Variants in DOCK6 observed in about 807,000 individuals in gnomAD.
The protein encoded by DOCK6 is dedicator of cytokinesis protein 6.
In DOCK6, 167 loss-of-function variants were observed where a neutral mutation model predicts 230.3. The observed-to-expected ratio is 0.73, with a 90% confidence interval of 0.64 to 0.82. DOCK6 has a LOEUF of 0.82. Ranked by LOEUF, DOCK6 falls within the 40% of genes least tolerant of loss-of-function variation. DOCK6 has a pLI of 0.00. For synonymous variants in DOCK6, 1,148 were observed against 1,185.0 expected, an observed-to-expected ratio of 0.97 and a Z score of 0.64; for missense variants, 2,598 against 2,825.8, an observed-to-expected ratio of 0.92 and a Z score of 1.83.
At chr19:11,216,077 T>A in intron 30 of DOCK6, 150 bp from the exon 31 acceptor site, 2 of 995,424 alleles carry the variant, frequency 2.0e-6, no homozygotes, top group Non-Finnish European at 2.8e-6. Context: ...TCTTAGCACT[T>A]ACCAAAAAAA....
At chr19:11,260,892 A>AAAAAAAAAAAAAAAAAAAAAAAAAAAAAG (rs1423289379) in intron 1 of DOCK6, among the ~76,000 whole-genome samples, 19 of 148,566 alleles carry the variant, frequency 1.3e-4, no homozygotes, top group African/African-American at 4.8e-4. Flanking sequence ...CAAAAAAAAA[A>AAAAAAAAAAAAAAAAAAAAAAAAAAAAAG]AAAGAAAGAA....
rs10164278 is a variant in DOCK6 at position 11,240,092 on chromosome 19, A to T, written c.1644-1788T>A. On this transcript the variant is annotated intron_variant, in intron 14 of 47. Coordinates refer to ENST00000294618, the MANE Select transcript of DOCK6 (RefSeq NM_020812.4). ...CAGGCAAGTCCTTAGGTACACAAAG[A>T]TGAGTTGGACATCCTACTAGTGACC... 1.2e-3 allele frequency: 1,811 copies of T among 1,550,980 alleles called. 16 individuals carry two copies. The African/African-American group carries it at 0.023, about 20-fold the overall frequency.
rs749689461 is a variant in DOCK6 at position 11,215,784 on chromosome 19, G to T, written c.4021+17C>A. The T allele has an allele frequency of 1.1e-5, 17 of 1,613,792 alleles. No individual in the cohort carries two copies. The highest frequency in any genetic ancestry group is 1.4e-5 in the Non-Finnish European group (17 of 1,179,834). On this transcript the variant is annotated intron_variant, in intron 31 of 47. Transcript: ENST00000294618. ...CAGCTGGTGGGATGGGGACACGTGG[G>T]TATGTCACCCTCTTACCACGACTTC...
Position 11,200,176 on chromosome 19 carries a change from A to G in DOCK6, c.6101+132T>C. 1 of 1,007,530 alleles carries G rather than the reference A, an allele frequency of 9.9e-7. No homozygotes were observed. 62.4% of individuals were successfully genotyped at this position (1,007,530 alleles called of 1,614,324 possible). Reference sequence around the variant, plus strand: ...AAAAAAAAACAAAAAAAAAACCGGAAACAAAACAAAGTCCAAGCTACCAGC... The same window carrying G: ...AAAAAAAAACAAAAAAAAAACCGGAGACAAAACAAAGTCCAAGCTACCAGC... On this transcript the variant is annotated intron_variant, in intron 47 of 47. Transcript: ENST00000294618. The surrounding 1 kb of genome is among the most constrained non-coding windows in gnomAD (Gnocchi z 4.3).
In DOCK6 at chr19:11,243,196, G is replaced by C. The variant is rs915505649; in HGVS notation, c.1387-44C>G. On this transcript the variant is annotated intron_variant, in intron 12 of 47. Coordinates refer to ENST00000294618, the MANE Select transcript of DOCK6 (RefSeq NM_020812.4). This position sits in a 1 kb window ranked among gnomAD's most constrained non-coding sequence, Gnocchi z 6.3. ...CGTCAGCCTGGGCCAGGGGGCTAGG[G>C]GTCCCCAGGGCTAATGCAGCCAGCG... 1.4e-5 allele frequency: 22 copies of C among 1,613,032 alleles called. No homozygotes were observed. The highest frequency in any genetic ancestry group is 1.7e-5 in the Non-Finnish European group (20 of 1,179,280).
rs1170041461 is a variant in DOCK6 at position 11,243,884 on chromosome 19, T to A, written c.1024-2A>T. The A allele has an allele frequency of 6.8e-6, 11 of 1,606,664 alleles. No individual in the cohort carries two copies. Among genetic ancestry groups the A allele is most frequent in the Non-Finnish European group, 9.3e-6 (11 of 1,176,742 alleles). On this transcript the variant is annotated splice_acceptor_variant, in intron 9 of 47. Transcript: ENST00000294618. LOFTEE classifies it high-confidence loss of function. This position sits in a 1 kb window ranked among gnomAD's most constrained non-coding sequence, Gnocchi z 6.3. ...CCCTTGCTGAAGCACCTTCTCCAAC[T>A]GCGGGGCAGATGAATGAATCCAGTG...
Position 11,214,884 on chromosome 19 carries a change from T to C in DOCK6, c.4107-235A>G, listed in dbSNP as rs1018906120. Among the ~76,000 whole-genome samples, 30 of 151,042 alleles carry C rather than the reference T, an allele frequency of 2.0e-4. No individual in the cohort carries two copies. In the South Asian group the frequency reaches 6.3e-3, roughly 32 times the overall value. On this transcript the variant is annotated intron_variant, in intron 32 of 47. Coordinates refer to ENST00000294618, the MANE Select transcript of DOCK6 (RefSeq NM_020812.4). ...TCAACCTCCCAGGCTCAAGTCATTCTCCCACCTCAGACTCATGAGTGGCTG... is the reference window on the plus strand; with the variant it reads ...TCAACCTCCCAGGCTCAAGTCATTCCCCCACCTCAGACTCATGAGTGGCTG...
chr19:11,204,053 A>AG, intron 41 of DOCK6, 28 bp downstream of exon 41: 1 of 1,545,182 alleles, frequency 6.5e-7, no homozygotes, highest in Non-Finnish European at 8.7e-7. Flanking sequence ...TCCCAGAGGC[A>AG]GGTGGCTGTC....
At position 11,235,773 on chromosome 19, in the gene DOCK6, C is replaced by G. The variant is rs767898865; in HGVS notation, c.2393-14G>C. 11 of 1,576,694 alleles carry G rather than the reference C, an allele frequency of 7.0e-6. No homozygotes were observed. Among genetic ancestry groups the G allele is most frequent in the Non-Finnish European group, 8.6e-6 (10 of 1,159,074 alleles). On this transcript the variant is annotated splice_polypyrimidine_tract_variant and intron_variant, in intron 20 of 47. Coordinates refer to ENST00000294618, the MANE Select transcript of DOCK6 (RefSeq NM_020812.4). ...GGCCCAGGTTCACTGCAGGGCAGAG[C>G]AGAGGTCAAGTTCCAGGGCCCAAGG...
At chr19:11,216,866 A>G (rs2147765500) in intron 30 of DOCK6, 48 bp downstream of exon 30, 1 of 1,593,208 alleles carries the variant, frequency 6.3e-7, no homozygotes, top group Non-Finnish European at 8.6e-7. Flanking sequence ...GTCCCTGGGT[A>G]CATCCTTAGC....
chr19:11,236,664 G>A lies in DOCK6; in HGVS notation c.2161-87C>T. The A allele has an allele frequency of 6.6e-7, 1 of 1,506,512 alleles. No individual in the cohort carries two copies. Among genetic ancestry groups the A allele is most frequent in the Non-Finnish European group, 9.0e-7 (1 of 1,109,204 alleles). 93.3% of individuals were successfully genotyped at this position (1,506,512 alleles called of 1,614,324 possible). On this transcript the variant is annotated intron_variant, in intron 19 of 47. Coordinates refer to ENST00000294618, the MANE Select transcript of DOCK6 (RefSeq NM_020812.4). This position sits in a 1 kb window ranked among gnomAD's most constrained non-coding sequence, Gnocchi z 5.2. The stretch of plus-strand genomic sequence containing the variant: ...AATCAGCAGCTTCCCTTAAAGCTGG[G>A]TCCAGCTGACCAAAGTCACGTCCAA...
At chr19:11,259,289 A>G (rs2080245423) in intron 1 of DOCK6, among the ~76,000 whole-genome samples, 1 of 151,992 alleles carries the variant, frequency 6.6e-6, no homozygotes, top group African/African-American at 2.4e-5. Flanking sequence ...TGGCCTCCCA[A>G]AGTGGTAGGA....
rs1376447153 is a variant in DOCK6 at position 11,238,083 on chromosome 19, A to G, written c.1794T>C (p.Phe598=). ...CCACCGGTGTGAAGGCCTCGCGGGTAAATTCACTGCAGCTGGACTTGCCAA... is the reference window on the plus strand; with the variant it reads ...CCACCGGTGTGAAGGCCTCGCGGGTGAATTCACTGCAGCTGGACTTGCCAA... The part of the protein sequence containing the change: ...VIFGKSSCSE[F]TREAFTPVVY... The change falls in exon 16 of 48, where the codon TTT becomes TTC. Residue 598 remains phenylalanine, a synonymous_variant. Coordinates refer to ENST00000294618, the MANE Select transcript of DOCK6 (RefSeq NM_020812.4). 2 of 1,613,800 alleles carry G rather than the reference A, an allele frequency of 1.2e-6. No individual in the cohort carries two copies. Among genetic ancestry groups the G allele is most frequent in the East Asian group, 4.5e-5 (2 of 44,892 alleles).
At chr19:11,237,344 A>C in intron 18 of DOCK6, 112 bp downstream of exon 18, 1 of 1,158,288 alleles carries the variant, frequency 8.6e-7, no homozygotes, top group East Asian at 2.4e-5. Context: ...GGGGCCCTGG[A>C]GGCACCAGTA....
At position 11,262,103 on chromosome 19, in the gene DOCK6, C is replaced by CGCCA. The variant is rs1444610316; in HGVS notation, c.44+290_44+293dup. On this transcript the variant is annotated intron_variant, in intron 1 of 47. Coordinates refer to ENST00000294618, the MANE Select transcript of DOCK6 (RefSeq NM_020812.4). ...GGGGCGCCCGTCATCCGCATCCCCA[C>CGCCA]GCCACCTCCTCCGGGAAGCCCTCCG... Among the ~76,000 whole-genome samples the CGCCA allele has an allele frequency of 2.0e-5, 3 of 152,144 alleles. No individual in the cohort carries two copies. The East Asian group carries it at 5.9e-4, about 30-fold the overall frequency.
chr19:11,225,492 G>T (rs1359354629), intron 24 of DOCK6, among the ~76,000 whole-genome samples: 1 of 151,670 alleles, frequency 6.6e-6, no homozygotes, highest in Non-Finnish European at 1.5e-5. Flanking sequence ...CCATCTCCTG[G>T]CATGGGAACA....
rs570634969 is a variant in DOCK6, at chr19:11,252,107, G to C, written c.507+12C>G. On this transcript the variant is annotated intron_variant, in intron 5 of 47. Coordinates refer to ENST00000294618, the MANE Select transcript of DOCK6 (RefSeq NM_020812.4). ...ATACCCCTTCAGTGACCCCAGCCAG[G>C]GGCTTCCTCACCGAGTCCTCAGGGC... 1 of 1,585,584 alleles carries C rather than the reference G, an allele frequency of 6.3e-7. No homozygotes were observed. The highest frequency in any genetic ancestry group is 1.8e-5 in the Admixed American group (1 of 55,672).
intron 28 of DOCK6, 143 bp downstream of exon 28, chr19:11,221,708 T>C (rs2079580855): frequency 7.9e-7 from 1 of 1,259,478 alleles, no homozygotes; most frequent in Admixed American, 1.9e-5. Context: ...ACTTAAGTAG[T>C]CTGTCCTAGC....
chr19:11,223,111 G>C lies in DOCK6; in HGVS notation c.2956-5C>G, dbSNP rs3810309. 6.2e-7 allele frequency: 1 copy of C among 1,611,232 alleles called. No homozygotes were observed. Among genetic ancestry groups the C allele is most frequent in the Non-Finnish European group, 8.5e-7 (1 of 1,178,506 alleles). On this transcript the variant is annotated splice_polypyrimidine_tract_variant and splice_region_variant and intron_variant, in intron 24 of 47. Transcript: ENST00000294618. Reference sequence around the variant, plus strand: ...GTGCTCGGCCAGCTCCACATCCTGGGGACACAGGTGCCTGTCAACCCACAC... The same window carrying C: ...GTGCTCGGCCAGCTCCACATCCTGGCGACACAGGTGCCTGTCAACCCACAC...
Sources: allele counts gnomAD v4.1 joint callset (sites outside exome capture counted in the v4.1 genomes callset), GRCh38; gene constraint gnomAD v4.1.1; non-coding constraint Gnocchi (gnomAD v3.1); transcripts MANE v1.5; gene names NCBI Gene and HGNC (gene_info 2026-07-23, HGNC 2026-07-21).